Variants in KANSL1 observed in about 807,000 individuals in gnomAD.
KANSL1 encodes the protein MLL1/MLL complex subunit KANSL1.
KANSL1 carries 22 observed loss-of-function variants against 103.6 expected under a neutral mutation model. The ratio of observed to expected loss-of-function variants is 0.21; its 90% confidence interval spans 0.15 to 0.30. The LOEUF (loss-of-function observed/expected upper bound fraction) is 0.30. Ranked by LOEUF, KANSL1 falls within the 10% of genes least tolerant of loss-of-function variation. The probability of loss-of-function intolerance (pLI) is 1.00; values close to 1 mark genes in which losing one functional copy is unlikely to be tolerated. For missense variants in KANSL1, 1,337 were observed against 1,399.8 expected, an observed-to-expected ratio of 0.96 and a Z score of 0.72; for synonymous variants, 600 against 527.6, an observed-to-expected ratio of 1.14 and a Z score of -1.88.
intron 1 of KANSL1, among the ~76,000 whole-genome samples, chr17:46,181,830 C>T (rs1476235889): frequency 6.6e-6 from 1 of 152,162 alleles, no homozygotes; most frequent in African/African-American, 2.4e-5. Context: ...CACAGATTCC[C>T]AACTCCGTAT....
At position 46,038,427 on chromosome 17, in the gene KANSL1, C is replaced by T. The variant is rs1277117445; in HGVS notation, c.2541+111G>A. The T allele has an allele frequency of 7.0e-6, 8 of 1,138,752 alleles. No homozygotes were observed. The East Asian group carries it at 1.3e-4, about 18-fold the overall frequency. 70.5% of individuals were successfully genotyped at this position (1,138,752 alleles called of 1,614,324 possible). A position where few individuals can be genotyped will look rare whatever the true frequency, so the allele number is the denominator to read the frequency against. ...TACATATGTCATGATGAGCTGAGAT[C>T]CTATAAATGCCCTGGGCTTTATAAC... On this transcript the variant is annotated intron_variant, in intron 10 of 14. Transcript: ENST00000432791.
intron 2 of KANSL1, among the ~76,000 whole-genome samples, chr17:46,125,861 T>C (rs2043530707): frequency 6.6e-6 from 1 of 152,336 alleles, no homozygotes; most frequent in South Asian, 2.1e-4. Context: ...AGGCTAGTAT[T>C]AGTAATACTA....
At chr17:46,046,757 A>G (rs544264910) in intron 7 of KANSL1, among the ~76,000 whole-genome samples, 1 of 150,744 alleles carries the variant, frequency 6.6e-6, no homozygotes, top group South Asian at 2.1e-4. Flanking sequence ...GAATTGCTTG[A>G]ACTTGGGAGG....
chr17:46,147,872 G>A (rs1389271017), intron 2 of KANSL1, among the ~76,000 whole-genome samples: 2 of 152,150 alleles, frequency 1.3e-5, no homozygotes, highest in South Asian at 2.1e-4. Flanking sequence ...AAAGGCTTAG[G>A]AATCTGAATT....
chr17:46,170,963 C>A lies in KANSL1; in HGVS notation c.1181G>T (p.Ser394Ile). The A allele has an allele frequency of 1.2e-6, 2 of 1,614,212 alleles. No homozygotes were observed. The highest frequency in any genetic ancestry group is 1.7e-6 in the Non-Finnish European group (2 of 1,180,052). The change falls in exon 2 of 15, where the codon AGT (serine) becomes ATT (isoleucine). Residue 394 changes from serine (S) to isoleucine (I), a missense_variant. Ser to Ile is a moderately radical substitution (Grantham distance 142). Around this residue, in one of 2 missense-constraint regions of KANSL1, gnomAD observed 557 missense variants for 476.4 expected, o/e 1.17. Transcript: ENST00000432791. ...GACATCTGAATCAAATGCCTGTTCA[C>A]TGCACCTCAAGTTGGCTATGCCACT... ...TASGIANLRC[S>I]EQAFDSDVTD...
chr17:46,047,842 C>A (rs2077570742), intron 7 of KANSL1, among the ~76,000 whole-genome samples: 1 of 151,070 alleles, frequency 6.6e-6, no homozygotes, highest in Non-Finnish European at 1.5e-5. Flanking sequence ...TACAGACTAC[C>A]TGGGAGATAT....
chr17:46,088,997 A>G (rs1162772374), intron 3 of KANSL1, among the ~76,000 whole-genome samples: 3 of 112,744 alleles, frequency 2.7e-5, no homozygotes, highest in Admixed American at 9.6e-5. Context: ...AGTATGTTAG[A>G]AAAAAAATGC....
At chr17:46,048,599 C>T (rs2077596762) in intron 7 of KANSL1, among the ~76,000 whole-genome samples, 1 of 151,940 alleles carries the variant, frequency 6.6e-6, no homozygotes, top group South Asian at 2.1e-4. Context: ...CAAAAACCCA[C>T]CAGTGATTTG....
At chr17:46,180,014 A>G (rs2147819858) in intron 1 of KANSL1, among the ~76,000 whole-genome samples, 1 of 152,154 alleles carries the variant, frequency 6.6e-6, no homozygotes, top group South Asian at 2.1e-4. Context: ...CAGTGAGCTG[A>G]GATCGGGCCA....
chr17:46,209,773 T>C (rs1267256595), intron 1 of KANSL1, among the ~76,000 whole-genome samples: 3 of 152,190 alleles, frequency 2.0e-5, no homozygotes, highest in Non-Finnish European at 4.4e-5. Flanking sequence ...GGATTTCAGG[T>C]GTGAGCCACC....
At chr17:46,092,960 T>C (rs2079469036) in intron 3 of KANSL1, 1 of 152,170 alleles carries the variant, frequency 6.6e-6, no homozygotes, top group South Asian at 2.1e-4. Context: ...AATGTAGCAG[T>C]TTTATAACAA....
intron 2 of KANSL1, among the ~76,000 whole-genome samples, chr17:46,145,785 G>A (rs368256368): frequency 6.6e-6 from 1 of 152,222 alleles, no homozygotes; most frequent in Non-Finnish European, 1.5e-5. Flanking sequence ...CTGGAGTGTA[G>A]TGATGCAATC....
intron 2 of KANSL1, among the ~76,000 whole-genome samples, chr17:46,149,725 TG>T (rs1347002544): frequency 6.6e-6 from 1 of 152,156 alleles, no homozygotes; most frequent in African/African-American, 2.4e-5. Flanking sequence ...TCACTTTCCT[TG>T]GCTGGGCACG....
intron 5 of KANSL1, among the ~76,000 whole-genome samples, chr17:46,067,320 G>C (rs951778933): frequency 1.3e-5 from 2 of 152,156 alleles, no homozygotes; most frequent in African/African-American, 4.8e-5. Context: ...CACAGTAACT[G>C]TAGTGTCTTT....
intron 12 of KANSL1, 21 bp from the exon 13 acceptor site, chr17:46,033,213 C>T (rs1305034713): frequency 8.3e-6 from 13 of 1,557,774 alleles, no homozygotes; most frequent in African/African-American, 2.7e-5. Context: ...GCAGCTTCAT[C>T]GATCCCCTCT....
intron 2 of KANSL1, among the ~76,000 whole-genome samples, chr17:46,097,552 G>GT (rs1250840699): frequency 6.6e-6 from 1 of 152,170 alleles, no homozygotes; most frequent in Non-Finnish European, 1.5e-5. Flanking sequence ...TACCTATAAT[G>GT]TTTGACTTCT....
chr17:46,110,249 TAAG>T (rs909711185), intron 2 of KANSL1, among the ~76,000 whole-genome samples: 1 of 152,234 alleles, frequency 6.6e-6, no homozygotes, highest in African/African-American at 2.4e-5. Context: ...AGTCATATAA[TAAG>T]AAGGTTTATG....
intron 7 of KANSL1, chr17:46,040,468 T>C (rs930419815): frequency 1.3e-5 from 2 of 152,304 alleles, no homozygotes; most frequent in African/African-American, 4.8e-5. Context: ...TTTTTTATGC[T>C]GTTTCTTATC....
At chr17:46,096,762 GCGCCCACCACCA>G (rs1179587903) in intron 2 of KANSL1, among the ~76,000 whole-genome samples, 1 of 152,082 alleles carries the variant, frequency 6.6e-6, no homozygotes, top group Admixed American at 6.5e-5. Context: ...GGGACTACAG[GCGCCCACCACCA>G]CGCCTGGCTA....
Sources: gnomAD v4.1 joint callset for allele counts (sites outside exome capture counted in the v4.1 genomes callset) on GRCh38, gnomAD v4.1.1 for gene constraint, gnomAD v4.1.1 regional missense constraint, MANE v1.5 for transcripts, NCBI Gene and HGNC (gene_info 2026-07-23, HGNC 2026-07-21) for gene names.